Variants in EPDR1 observed in about 807,000 individuals in gnomAD.
EPDR1 encodes mammalian ependymin-related protein 1.
A neutral mutation model predicts 23.7 loss-of-function variants in EPDR1; 27 were observed. The observed-to-expected ratio is 1.14, with a 90% confidence interval of 0.84 to 1.57. The LOEUF (loss-of-function observed/expected upper bound fraction) is 1.57, where lower values mean the gene tolerates loss of function less well. Among genes scored for constraint, EPDR1 ranks in the 40% most tolerant of loss-of-function variants. EPDR1 has a pLI of 0.00. For synonymous variants in EPDR1, 137 were observed against 118.2 expected, an observed-to-expected ratio of 1.16 and a Z score of -1.03; for missense variants, 349 against 290.4, an observed-to-expected ratio of 1.20 and a Z score of -1.47.
intron 1 of EPDR1, among the ~76,000 whole-genome samples, chr7:37,941,189 T>C (rs1261242735): frequency 2.0e-5 from 3 of 152,222 alleles, no homozygotes; most frequent in African/African-American, 4.8e-5. Context: ...TAGACTAAGA[T>C]AGATGGATGT....
At chr7:37,929,168 G>A (rs1291436717) in intron 1 of EPDR1, among the ~76,000 whole-genome samples, 1 of 152,128 alleles carries the variant, frequency 6.6e-6, no homozygotes, top group Non-Finnish European at 1.5e-5. Context: ...CTGTTTCTCT[G>A]CTCAACATTC....
In EPDR1 at chr7:37,920,936, C is replaced by G. The variant is rs374731994; in HGVS notation, c.-4C>G. 2 of 1,608,258 alleles carry G rather than the reference C, an allele frequency of 1.2e-6. No individual in the cohort carries two copies. Among genetic ancestry groups the G allele is most frequent in the East Asian group, 2.2e-5 (1 of 44,774 alleles). ...TGCCCTCGGGCCGGGGAAGGCTGAC[C>G]GCGATGCCAGGACGCGCTCCCCTCC... On this transcript the variant is annotated 5_prime_UTR_variant, in exon 1 of 3. Transcript: ENST00000199448.
chr7:37,949,359 A>T (rs950924957), intron 2 of EPDR1, among the ~76,000 whole-genome samples: 1 of 152,196 alleles, frequency 6.6e-6, no homozygotes, highest in Non-Finnish European at 1.5e-5. Flanking sequence ...TCTAAGGCAC[A>T]CATTTGAATT....
intron 1 of EPDR1, among the ~76,000 whole-genome samples, chr7:37,935,309 A>T (rs911232826): frequency 6.6e-6 from 1 of 152,172 alleles, no homozygotes; most frequent in Non-Finnish European, 1.5e-5. Flanking sequence ...TCATCTCTCT[A>T]TCCCACCTGG....
In EPDR1 at chr7:37,951,630, T is replaced by A. The variant is rs1275968636; in HGVS notation, c.*1234T>A. 4 of 152,242 alleles carry A rather than the reference T, an allele frequency of 2.6e-5. No homozygotes were observed. Among genetic ancestry groups the A allele is most frequent in the Non-Finnish European group, 5.9e-5 (4 of 68,054 alleles). 9.4% of individuals were successfully genotyped at this position (152,242 alleles called of 1,614,324 possible). ...CTCTCTTGTCCCTGGTTTCCTTATG[T>A]GTTGAATGTGGTTGAGTTTGTCCAT... On this transcript the variant is annotated 3_prime_UTR_variant, in exon 3 of 3. Transcript: ENST00000199448.
intron 2 of EPDR1, among the ~76,000 whole-genome samples, 181 bp from the exon 3 acceptor site, chr7:37,950,019 A>C (rs1786365245): frequency 6.6e-6 from 1 of 152,188 alleles, no homozygotes; most frequent in African/African-American, 2.4e-5. Context: ...GGGAAGATGA[A>C]AAAAGTTCTG....
chr7:37,947,052 A>C (rs554155058), intron 1 of EPDR1, among the ~76,000 whole-genome samples: 2 of 152,340 alleles, frequency 1.3e-5, no homozygotes, highest in Non-Finnish European at 2.9e-5. Flanking sequence ...AGCCTACAGA[A>C]GTGTATAGAA....
At chr7:37,939,230 C>T (rs1786121465) in intron 1 of EPDR1, among the ~76,000 whole-genome samples, 2 of 152,066 alleles carry the variant, frequency 1.3e-5, no homozygotes, top group African/African-American at 2.4e-5. Context: ...CTGCCTGCCT[C>T]GGCCTCCCAA....
chr7:37,949,611 A>G (rs971281057), intron 2 of EPDR1, among the ~76,000 whole-genome samples: 1 of 152,192 alleles, frequency 6.6e-6, no homozygotes, highest in African/African-American at 2.4e-5. Context: ...ACTTCTGTAT[A>G]TATATATATG....
In EPDR1 at chr7:37,950,428, G is replaced by A. The variant is rs1461664745; in HGVS notation, c.*32G>A. The A allele has an allele frequency of 1.0e-5, 16 of 1,567,552 alleles. No homozygotes were observed. Among genetic ancestry groups the A allele is most frequent in the Admixed American group, 1.8e-5 (1 of 54,892 alleles). ...GCATAGGGAAGCGGCAGCATCGGAT[G>A]TCAGCCCCCTGCGGCCCCAGCTGGA... is the stretch of plus-strand genomic sequence containing the variant. On this transcript the variant is annotated 3_prime_UTR_variant, in exon 3 of 3. Transcript: ENST00000199448.
intron 1 of EPDR1, among the ~76,000 whole-genome samples, chr7:37,948,639 T>C (rs932489011): frequency 2.0e-5 from 3 of 152,232 alleles, no homozygotes; most frequent in Non-Finnish European, 4.4e-5. Flanking sequence ...TGAGCCATCA[T>C]GCTCGGTCTG....
chr7:37,949,007 T>A lies in EPDR1; in HGVS notation c.437T>A (p.Ile146Asn). ...TCCATCGGGGGGCCTCAGGAGCAGA[T>A]CACCGTCCAGGAGTGGTCGGACAGA... ...QYSIGGPQEQ[I>N]TVQEWSDRKS... The change falls in exon 2 of 3, where the codon ATC becomes AAC. Residue 146 changes from isoleucine (I) to asparagine (N), a missense_variant. Transcript: ENST00000199448. 6.2e-7 allele frequency: 1 copy of A among 1,614,184 alleles called. No homozygotes were observed. Among genetic ancestry groups the A allele is most frequent in the Non-Finnish European group, 8.5e-7 (1 of 1,180,038 alleles).
chr7:37,946,147 G>C (rs2132019025), intron 1 of EPDR1, among the ~76,000 whole-genome samples: 1 of 152,228 alleles, frequency 6.6e-6, no homozygotes, highest in East Asian at 1.9e-4. Context: ...TGGCATTTAG[G>C]TTGATTCCAC....
In EPDR1 at chr7:37,935,204, C is replaced by A. The variant is rs546523696; in HGVS notation, c.270-13636C>A. ...GGACTAATCAGTGTGATTTTCTCAA[C>A]CTCTATATTGAGAGACAGACAAGGG... On this transcript the variant is annotated intron_variant, in intron 1 of 2. Coordinates refer to ENST00000199448, the MANE Select transcript of EPDR1 (RefSeq NM_017549.5). Among the ~76,000 whole-genome samples the A allele has an allele frequency of 9.5e-4, 145 of 152,254 alleles. 1 individual carries two copies. Among genetic ancestry groups the A allele is most frequent in the Admixed American group, 3.5e-3 (53 of 15,290 alleles).
At chr7:37,949,172 A>G in intron 2 of EPDR1, 124 bp downstream of exon 2, 2 of 832,412 alleles carry the variant, frequency 2.4e-6, no homozygotes, top group Non-Finnish European at 3.7e-6. Context: ...TAAAGCCTCC[A>G]CTTAGGTCTG....
At chr7:37,936,382 C>A (rs1488496389) in intron 1 of EPDR1, among the ~76,000 whole-genome samples, 1 of 151,918 alleles carries the variant, frequency 6.6e-6, no homozygotes, top group East Asian at 1.9e-4. Context: ...TACTTGAAAC[C>A]ACAGCCCTTT....
At chr7:37,930,109 A>G (rs1189394837) in intron 1 of EPDR1, among the ~76,000 whole-genome samples, 3 of 152,042 alleles carry the variant, frequency 2.0e-5, no homozygotes, top group African/African-American at 7.2e-5. Flanking sequence ...GCCTTGGATG[A>G]CTCCTGCCCG....
At chr7:37,941,674 A>T (rs1053312852) in intron 1 of EPDR1, among the ~76,000 whole-genome samples, 1 of 152,242 alleles carries the variant, frequency 6.6e-6, no homozygotes, top group African/African-American at 2.4e-5. Flanking sequence ...CATGTTGGAA[A>T]ATAAAAAGGT....
At chr7:37,945,797 G>T (rs111629410) in intron 1 of EPDR1, among the ~76,000 whole-genome samples, 2 of 152,228 alleles carry the variant, frequency 1.3e-5, no homozygotes, top group Admixed American at 6.5e-5. Flanking sequence ...GTGTGCCATG[G>T]TATCTTGCTG....
Sources: gnomAD v4.1 joint callset for allele counts (sites outside exome capture counted in the v4.1 genomes callset) on GRCh38, gnomAD v4.1.1 for gene constraint, MANE v1.5 for transcripts, NCBI Gene and HGNC (gene_info 2026-07-23, HGNC 2026-07-21) for gene names.